The following VAV2 variants were observed in gnomAD, a reference collection of about 807,000 sequenced individuals.
The protein encoded by VAV2 is guanine nucleotide exchange factor VAV2.
VAV2 carries 67 observed loss-of-function variants against 132.5 expected under a neutral mutation model. The ratio of observed to expected loss-of-function variants is 0.51; its 90% CI spans 0.42 to 0.62. The LOEUF (loss-of-function observed/expected upper bound fraction) is 0.62. Ranked by LOEUF, VAV2 falls within the 20% of genes least tolerant of loss-of-function variation. VAV2 has a pLI of 0.00. For synonymous variants in VAV2, 492 were observed against 443.5 expected, an observed-to-expected ratio of 1.11 and a Z score of -1.37; for missense variants, 938 against 1,153.6, an observed-to-expected ratio of 0.81 and a Z score of 2.71.
intron 13 of VAV2, among the ~76,000 whole-genome samples, chr9:133,789,620 C>T (rs1699145501): frequency 6.6e-6 from 1 of 152,200 alleles, no homozygotes. Flanking sequence ...GGGCGATTGA[C>T]GGTGCCGGTT....
intron 1 of VAV2, among the ~76,000 whole-genome samples, chr9:133,944,086 C>T (rs1564487636): frequency 2.0e-5 from 3 of 152,214 alleles, no homozygotes; most frequent in Non-Finnish European, 4.4e-5. Flanking sequence ...CAAGCTTCAC[C>T]GGCCAAGCTC....
At chr9:133,861,293 C>A (rs1837583448) in intron 3 of VAV2, 81 bp downstream of exon 3, 6 of 1,464,090 alleles carry the variant, frequency 4.1e-6, no homozygotes, top group African/African-American at 1.4e-5. Flanking sequence ...CTGCTTCCAA[C>A]CCCAGTATCT....
At chr9:133,971,207 G>A (rs1045692634) in intron 1 of VAV2, among the ~76,000 whole-genome samples, 9 of 152,174 alleles carry the variant, frequency 5.9e-5, no homozygotes, top group African/African-American at 1.4e-4. Context: ...TGGAACAGTC[G>A]TAACTGCTGC....
At chr9:133,864,061 C>G (rs1224746357) in intron 2 of VAV2, among the ~76,000 whole-genome samples, 1 of 152,156 alleles carries the variant, frequency 6.6e-6, no homozygotes, top group Non-Finnish European at 1.5e-5. Context: ...ACCTCTTAGC[C>G]CACAGCCCCA....
intron 3 of VAV2, among the ~76,000 whole-genome samples, chr9:133,858,253 G>A (rs921901010): frequency 5.9e-5 from 9 of 152,304 alleles, no homozygotes; most frequent in East Asian, 1.9e-4. Context: ...GATCAGTGTG[G>A]CCTCTGCAGG....
At chr9:133,801,850 G>T (rs958296703) in intron 9 of VAV2, among the ~76,000 whole-genome samples, 10 of 152,166 alleles carry the variant, frequency 6.6e-5, no homozygotes, top group African/African-American at 2.2e-4. Flanking sequence ...TCCAGCAGCT[G>T]CAGGACGTAG....
intron 4 of VAV2, 26 bp from the exon 5 acceptor site, chr9:133,812,242 G>A (rs757149537): frequency 1.4e-5 from 22 of 1,608,812 alleles, no homozygotes; most frequent in Non-Finnish European, 1.9e-5. Context: ...CGGGTTAGAG[G>A]GGAGGGGAGG....
chr9:133,961,250 G>A lies in VAV2; in HGVS notation c.205-22031C>T, dbSNP rs2132223249. 6.6e-6 allele frequency among the ~76,000 whole-genome samples: 1 copy of A among 152,320 alleles called. No homozygotes were observed. Among genetic ancestry groups the A allele is most frequent in the East Asian group, 1.9e-4 (1 of 5,178 alleles). ...CTCAGAGGAGTGTCCATTAAGAGTA[G>A]GGTTCCTCACTCTCAGAGCAGACCT... On this transcript the variant is annotated intron_variant, in intron 1 of 29. Coordinates refer to ENST00000371850, the MANE Select transcript of VAV2 (RefSeq NM_001134398.2). This position sits in a 1 kb window ranked among gnomAD's most constrained non-coding sequence, Gnocchi z 4.1.
At chr9:133,920,402 G>T (rs575454935) in intron 2 of VAV2, among the ~76,000 whole-genome samples, 19 of 152,336 alleles carry the variant, frequency 1.2e-4, no homozygotes, top group African/African-American at 4.6e-4. Flanking sequence ...AATCCAGGGT[G>T]GCTTCATAGA....
chr9:133,799,405 C>T (rs1487658891), intron 9 of VAV2, among the ~76,000 whole-genome samples: 6 of 152,200 alleles, frequency 3.9e-5, no homozygotes, highest in Admixed American at 2.6e-4. Flanking sequence ...CCTGCAGGGA[C>T]ACCTCTGGCA....
At position 133,912,175 on chromosome 9, in the gene VAV2, C is replaced by T. The variant is rs991440224; in HGVS notation, c.321+26928G>A. Reference sequence around the variant, plus strand: ...CCCGCTGGTGAACTTAGATCAGCTGCGGCTACAGTCCCGGCCTCCAACACA... The same window carrying T: ...CCCGCTGGTGAACTTAGATCAGCTGTGGCTACAGTCCCGGCCTCCAACACA... On this transcript the variant is annotated intron_variant, in intron 2 of 29. Coordinates refer to ENST00000371850, the MANE Select transcript of VAV2 (RefSeq NM_001134398.2). This position sits in a 1 kb window ranked among gnomAD's most constrained non-coding sequence, Gnocchi z 4.3. 6.6e-6 allele frequency among the ~76,000 whole-genome samples: 1 copy of T among 152,200 alleles called. No homozygotes were observed. Among genetic ancestry groups the T allele is most frequent in the Non-Finnish European group, 1.5e-5 (1 of 68,036 alleles).
chr9:133,949,161 C>T lies in VAV2; in HGVS notation c.205-9942G>A, dbSNP rs114196032. Among the ~76,000 whole-genome samples, 549 of 152,216 alleles carry T rather than the reference C, an allele frequency of 3.6e-3. 3 individuals are homozygous for T. The highest frequency in any genetic ancestry group is 0.012 in the African/African-American group (518 of 41,524). ...ATGACTACCAAAACGCGACTCACAACGCACTACACCACCTCGGCACTGGTA... is the reference window on the plus strand; with the variant it reads ...ATGACTACCAAAACGCGACTCACAATGCACTACACCACCTCGGCACTGGTA... On this transcript the variant is annotated intron_variant, in intron 1 of 29. Coordinates refer to ENST00000371850, the MANE Select transcript of VAV2 (RefSeq NM_001134398.2).
rs531254674 is a variant in VAV2, at chr9:133,962,745, A to C, written c.205-23526T>G. Among the ~76,000 whole-genome samples, 3 of 152,336 alleles carry C rather than the reference A, an allele frequency of 2.0e-5. No individual in the cohort carries two copies. In the South Asian group the frequency reaches 6.2e-4, roughly 32 times the overall value. ...ATTTGATTTGAGCTCTACCGAGTGC[A>C]TTAATTCCTTGAATGGTTTTCGAGA... On this transcript the variant is annotated intron_variant, in intron 1 of 29. Transcript: ENST00000371850.
At position 133,800,375 on chromosome 9, in the gene VAV2, C is replaced by T. The variant is rs12553368; in HGVS notation, c.837-2566G>A. ...AGAGCTTCCCAAGACCGCCTGGAGG[C>T]GGGAGGACGAGTCTGGGCTGGGGAG... On this transcript the variant is annotated intron_variant, in intron 9 of 29. Transcript: ENST00000371850. 8.0e-3 allele frequency among the ~76,000 whole-genome samples: 1,221 copies of T among 152,332 alleles called. 26 individuals are homozygous for T. The highest frequency in any genetic ancestry group is 0.043 in the Admixed American group (664 of 15,308).
intron 1 of VAV2, among the ~76,000 whole-genome samples, chr9:133,958,912 C>A (rs1383178464): frequency 6.6e-6 from 1 of 152,212 alleles, no homozygotes; most frequent in African/African-American, 2.4e-5. Flanking sequence ...AGTCACAACC[C>A]GAGGTTCCCA....
intron 2 of VAV2, among the ~76,000 whole-genome samples, chr9:133,915,792 C>T (rs1840059809): frequency 6.8e-6 from 1 of 148,044 alleles, no homozygotes; most frequent in Admixed American, 6.8e-5. Flanking sequence ...ACACGATGTA[C>T]ATGTACACAC....
Position 133,912,470 on chromosome 9 carries a change from A to G in VAV2, c.321+26633T>C, listed in dbSNP as rs1839918435. ...GGCGCTTTTCCATCTGTACCCCAAC[A>G]TGTCAGGGTATATCAACACCCATAT... is the stretch of plus-strand genomic sequence containing the variant. On this transcript the variant is annotated intron_variant, in intron 2 of 29. Transcript: ENST00000371850. The surrounding 1 kb of genome is among the most constrained non-coding windows in gnomAD (Gnocchi z 4.3). Among the ~76,000 whole-genome samples the G allele has an allele frequency of 6.6e-6, 1 of 152,068 alleles. No individual in the cohort carries two copies. The highest frequency in any genetic ancestry group is 2.4e-5 in the African/African-American group (1 of 41,402).
At position 133,939,339 on chromosome 9, in the gene VAV2, T is replaced by C. The variant is rs1841047367; in HGVS notation, c.205-120A>G. 6 of 891,096 alleles carry C rather than the reference T, an allele frequency of 6.7e-6. No individual in the cohort carries two copies. In the South Asian group the frequency reaches 6.9e-5, roughly 10 times the overall value. The allele number at this position is 891,096 out of a possible 1,614,324, so 55.2% of individuals were successfully genotyped here. On this transcript the variant is annotated intron_variant, in intron 1 of 29. Transcript: ENST00000371850. ...CCGTGCGCCAGCACATCCAAGCTCA[T>C]TCCTGTTTTCTCAAGGAGGAAATGG...
intron 19 of VAV2, among the ~76,000 whole-genome samples, chr9:133,782,176 T>G (rs1346759579): frequency 6.6e-6 from 1 of 152,160 alleles, no homozygotes; most frequent in Non-Finnish European, 1.5e-5. Flanking sequence ...AACATTGCCT[T>G]TCATCATTTC....
Sources: allele counts gnomAD v4.1 joint callset (sites outside exome capture counted in the v4.1 genomes callset), GRCh38; gene constraint gnomAD v4.1.1; non-coding constraint Gnocchi (gnomAD v3.1); transcripts MANE v1.5; gene names NCBI Gene and HGNC (gene_info 2026-07-23, HGNC 2026-07-21).